IPO11: variants seen among roughly 807,000 people sequenced by gnomAD.
IPO11 encodes importin 11.
In IPO11, 66 loss-of-function variants were observed where a neutral mutation model predicts 143.2. That is an observed-to-expected ratio of 0.46 (90% confidence interval 0.38 to 0.57). IPO11 has a LOEUF of 0.57. Among genes scored for constraint, IPO11 ranks in the 20% least tolerant of loss-of-function variants. The pLI is 0.00. For missense variants in IPO11, 1,026 were observed against 1,141.0 expected, an observed-to-expected ratio of 0.90 and a Z score of 1.45; for synonymous variants, 385 against 377.8, an observed-to-expected ratio of 1.02 and a Z score of -0.22.
intron 12 of IPO11, among the ~76,000 whole-genome samples, chr5:62,487,562 ACTTT>A (rs996445575): frequency 1.3e-5 from 2 of 151,844 alleles, no homozygotes; most frequent in Non-Finnish European, 2.9e-5. Flanking sequence ...AATGAAATCA[ACTTT>A]CTTTTATTAA....
intron 9 of IPO11, among the ~76,000 whole-genome samples, chr5:62,480,487 G>T (rs568334208): frequency 6.6e-6 from 1 of 152,098 alleles, no homozygotes; most frequent in South Asian, 2.1e-4. Context: ...AAAGTCATTG[G>T]TAGCTTGATG....
chr5:62,577,977 T>C (rs1306361280), intron 27 of IPO11, among the ~76,000 whole-genome samples: 1 of 152,108 alleles, frequency 6.6e-6, no homozygotes, highest in Non-Finnish European at 1.5e-5. Context: ...CAATATATAA[T>C]ATAAACAATT....
intron 11 of IPO11, 130 bp downstream of exon 11, chr5:62,484,292 A>G: frequency 1.4e-6 from 1 of 713,340 alleles, no homozygotes. Flanking sequence ...TTTAAAATTA[A>G]CTTACTCTTT....
chr5:62,559,443 A>G (rs552386205), intron 26 of IPO11, among the ~76,000 whole-genome samples: 2 of 151,484 alleles, frequency 1.3e-5, no homozygotes, highest in South Asian at 2.1e-4. Flanking sequence ...TTCTGTCACA[A>G]TTGGAGTCAA....
chr5:62,539,943 A>G (rs1011916646), intron 24 of IPO11, among the ~76,000 whole-genome samples: 1 of 152,238 alleles, frequency 6.6e-6, no homozygotes, highest in African/African-American at 2.4e-5. Flanking sequence ...GTGATTGGTG[A>G]TGTGGGAGTG....
At chr5:62,590,908 T>TA (rs869054758) in intron 27 of IPO11, among the ~76,000 whole-genome samples, 10 of 151,492 alleles carry the variant, frequency 6.6e-5, no homozygotes, top group East Asian at 5.8e-4. Context: ...TTTGCCTTTT[T>TA]AAAAAAAAAT....
chr5:62,554,006 C>G (rs1743483294), intron 26 of IPO11, among the ~76,000 whole-genome samples: 1 of 152,174 alleles, frequency 6.6e-6, no homozygotes, highest in African/African-American at 2.4e-5. Context: ...GCTGGGATTA[C>G]AAGTGTGAGT....
intron 29 of IPO11, among the ~76,000 whole-genome samples, chr5:62,603,195 A>G (rs1745570062): frequency 1.3e-5 from 2 of 152,226 alleles, no homozygotes; most frequent in South Asian, 4.1e-4. Flanking sequence ...AAACACTTCT[A>G]ATATTTAACA....
At chr5:62,492,982 G>A (rs1308637466) in intron 15 of IPO11, among the ~76,000 whole-genome samples, 6 of 152,134 alleles carry the variant, frequency 3.9e-5, no homozygotes, top group Non-Finnish European at 1.5e-5. Context: ...ATATCAAAAA[G>A]GTACTTCATG....
At chr5:62,606,579 G>A (rs911763233) in intron 29 of IPO11, among the ~76,000 whole-genome samples, 24 of 150,734 alleles carry the variant, frequency 1.6e-4, no homozygotes, top group African/African-American at 5.6e-4. Context: ...GCTCACGCCT[G>A]TAATCCCAGC....
chr5:62,427,107 T>C lies in IPO11; in HGVS notation c.-6-10167T>C, dbSNP rs181653555. Among the ~76,000 whole-genome samples, 1,194 of 151,700 alleles carry C rather than the reference T, an allele frequency of 7.9e-3. 20 individuals carry two copies. Among genetic ancestry groups the C allele is most frequent in the African/African-American group, 0.027 (1,130 of 41,284 alleles). The stretch of plus-strand genomic sequence containing the variant: ...CGCCCGCCACCACACCTGGCTCATT[T>C]TTTTGTATTTTTAGTAGAGACAGAG... On this transcript the variant is annotated intron_variant, in intron 1 of 29. Transcript: ENST00000325324.
intron 11 of IPO11, 63 bp downstream of exon 11, chr5:62,484,225 GT>G (rs1580233065): frequency 2.2e-6 from 3 of 1,368,970 alleles, no homozygotes; most frequent in Non-Finnish European, 3.0e-6. Context: ...ATCTGTTTGA[GT>G]GATAGGTATA....
chr5:62,429,349 A>G (rs1257715608), intron 1 of IPO11, among the ~76,000 whole-genome samples: 1 of 152,148 alleles, frequency 6.6e-6, no homozygotes, highest in Non-Finnish European at 1.5e-5. Context: ...ACAGGATTTC[A>G]TTCCTTTTTA....
At position 62,627,154 on chromosome 5, in the gene IPO11, C is replaced by T. The variant is rs775335342; in HGVS notation, c.2764C>T (p.Leu922=). ...PTEQDKRKKM[L]ALKDPVHTVS... Reference sequence around the variant, plus strand: ...TCTTGCTCCTCTCTGTATCCCACAGCTGGCCCTGAAGGACCCTGTTCATAC... The same window carrying T: ...TCTTGCTCCTCTCTGTATCCCACAGTTGGCCCTGAAGGACCCTGTTCATAC... Residue 922 remains leucine (L), a splice_region_variant and synonymous_variant, in exon 30 of 30, where the codon CTG becomes TTG. Transcript: ENST00000325324. 4 of 1,612,444 alleles carry T rather than the reference C, an allele frequency of 2.5e-6. No individual in the cohort carries two copies. The highest frequency in any genetic ancestry group is 3.4e-6 in the Non-Finnish European group (4 of 1,178,972).
At position 62,610,401 on chromosome 5, in the gene IPO11, T is replaced by C. The variant is rs61267841; in HGVS notation, c.2763+8553T>C. ...TTTGAAAGATAGTGAATATAAATTA[T>C]TGCTTCTCATTTTGCATTGAGAAGG... is the stretch of plus-strand genomic sequence containing the variant. On this transcript the variant is annotated intron_variant, in intron 29 of 29. Transcript: ENST00000325324. Among the ~76,000 whole-genome samples the C allele has an allele frequency of 4.4e-3, 674 of 152,320 alleles. 7 individuals carry two copies. The highest frequency in any genetic ancestry group is 0.016 in the African/African-American group (646 of 41,572).
At chr5:62,419,132 G>C in intron 1 of IPO11, 1 of 1,548,168 alleles carries the variant, frequency 6.5e-7, no homozygotes, top group Non-Finnish European at 8.7e-7. Context: ...AAAATGGTAA[G>C]TATTTGTGTG....
chr5:62,451,191 G>A (rs1744913075), intron 4 of IPO11, among the ~76,000 whole-genome samples: 1 of 152,010 alleles, frequency 6.6e-6, no homozygotes, highest in Non-Finnish European at 1.5e-5. Flanking sequence ...TAAACTTTGT[G>A]GTCACAGGAT....
chr5:62,579,434 G>A (rs1213910817), intron 27 of IPO11: 2 of 1,550,574 alleles, frequency 1.3e-6, no homozygotes, highest in Non-Finnish European at 8.7e-7. Flanking sequence ...TCCAAGAACA[G>A]GGATATGTGT....
chr5:62,456,822 G>A (rs543627028), intron 5 of IPO11, among the ~76,000 whole-genome samples: 6 of 152,262 alleles, frequency 3.9e-5, no homozygotes, highest in Non-Finnish European at 5.9e-5. Context: ...GGCCGGGTGC[G>A]GTGGCTCACG....
Sources: gnomAD v4.1 joint callset for allele counts (sites outside exome capture counted in the v4.1 genomes callset) on GRCh38, gnomAD v4.1.1 for gene constraint, MANE v1.5 for transcripts, NCBI Gene and HGNC (gene_info 2026-07-23, HGNC 2026-07-21) for gene names.